Variants in INPP4B observed in about 807,000 individuals in gnomAD.
INPP4B encodes the protein inositol polyphosphate 4-phosphatase type II.
A neutral mutation model predicts 122.5 loss-of-function variants in INPP4B; 55 were observed. The observed-to-expected ratio is 0.45, with a 90% CI of 0.36 to 0.56. The LOEUF (loss-of-function observed/expected upper bound fraction) is 0.56, where lower values mean the gene tolerates loss of function less well. INPP4B is among the 20% of genes least tolerant of loss of function. The pLI, the probability that INPP4B is intolerant of heterozygous loss-of-function variation, is 0.00. For missense variants in INPP4B, 1,000 were observed against 1,097.7 expected (o/e 0.91, Z 1.26); for synonymous variants, 403 against 388.7 (o/e 1.04, Z -0.43).
chr4:142,439,532 G>T (rs1011999717), intron 3 of INPP4B, among the ~76,000 whole-genome samples: 2 of 152,102 alleles, frequency 1.3e-5, no homozygotes, highest in Admixed American at 6.5e-5. Context: ...ATTAATTTAT[G>T]TACCTATCTA....
At chr4:142,242,211 G>A (rs531029498) in intron 11 of INPP4B, among the ~76,000 whole-genome samples, 9 of 151,990 alleles carry the variant, frequency 5.9e-5, no homozygotes, top group Non-Finnish European at 8.8e-5. Context: ...TTTAAAGATC[G>A]GATGAGCACT....
chr4:142,192,440 G>A (rs2645824), intron 15 of INPP4B, among the ~76,000 whole-genome samples: 132,324 of 151,052 alleles, frequency 0.88, 58,762 homozygotes, highest in East Asian at 0.96. Flanking sequence ...TTACATGAGC[G>A]TGGTCATAGC....
At chr4:142,816,501 T>C (rs369215146) in intron 1 of INPP4B, among the ~76,000 whole-genome samples, 9 of 152,098 alleles carry the variant, frequency 5.9e-5, no homozygotes, top group South Asian at 2.1e-4. Context: ...CTTCTCCCAT[T>C]AAATCTTAAC....
chr4:142,703,623 T>C (rs575864048), intron 2 of INPP4B, among the ~76,000 whole-genome samples: 1 of 152,218 alleles, frequency 6.6e-6, no homozygotes, highest in Non-Finnish European at 1.5e-5. Flanking sequence ...TTGTTTTCTC[T>C]GGGGCAGCTT....
chr4:142,813,420 T>C (rs1779751141), intron 1 of INPP4B, among the ~76,000 whole-genome samples: 1 of 152,112 alleles, frequency 6.6e-6, no homozygotes, highest in East Asian at 1.9e-4. Context: ...AGCCCAGAGT[T>C]TACTTGTAGG....
At chr4:142,675,495 T>C (rs921443044) in intron 2 of INPP4B, among the ~76,000 whole-genome samples, 18 of 152,174 alleles carry the variant, frequency 1.2e-4, no homozygotes, top group Admixed American at 2.6e-4. Flanking sequence ...CATAATTCAT[T>C]TTATGAGGCC....
At chr4:142,736,951 G>A (rs1256551545) in intron 1 of INPP4B, among the ~76,000 whole-genome samples, 6 of 151,964 alleles carry the variant, frequency 3.9e-5, no homozygotes, top group East Asian at 3.9e-4. Context: ...TAGATAGCTC[G>A]AAATAAAAGA....
At chr4:142,470,144 G>A (rs547693224) in intron 2 of INPP4B, among the ~76,000 whole-genome samples, 215 of 151,714 alleles carry the variant, frequency 1.4e-3, no homozygotes, top group African/African-American at 4.9e-3. Context: ...TAAAGAAAAC[G>A]CATAGCAGAT....
At chr4:142,838,336 C>T (rs1783074097) in intron 1 of INPP4B, among the ~76,000 whole-genome samples, 1 of 149,988 alleles carries the variant, frequency 6.7e-6, no homozygotes, top group Admixed American at 6.7e-5. Context: ...AGACTTCGTA[C>T]ATTTATAATC....
intron 21 of INPP4B, among the ~76,000 whole-genome samples, chr4:142,115,426 C>A (rs927677529): frequency 2.0e-5 from 3 of 152,092 alleles, no homozygotes; most frequent in African/African-American, 7.2e-5. Flanking sequence ...ATTGGGTTAC[C>A]CACAAAGGGA....
chr4:142,404,231 T>C (rs988985127), intron 6 of INPP4B, among the ~76,000 whole-genome samples: 4 of 152,194 alleles, frequency 2.6e-5, no homozygotes, highest in Admixed American at 1.3e-4. Flanking sequence ...ATTCCCATTA[T>C]AGAAATGACT....
At chr4:142,291,731 A>G (rs1561765842) in intron 9 of INPP4B, among the ~76,000 whole-genome samples, 1 of 152,188 alleles carries the variant, frequency 6.6e-6, no homozygotes, top group Admixed American at 6.5e-5. Context: ...TAGAAAGTTC[A>G]TAAAGCTCTA....
At chr4:142,452,877 G>A (rs1019769955) in intron 3 of INPP4B, among the ~76,000 whole-genome samples, 5 of 151,774 alleles carry the variant, frequency 3.3e-5, no homozygotes, top group Non-Finnish European at 4.4e-5. Context: ...AAATATACTT[G>A]AAAATATAAA....
At chr4:142,045,076 T>A (rs2667095) in intron 25 of INPP4B, among the ~76,000 whole-genome samples, 137,425 of 152,208 alleles carry the variant, frequency 0.9, 63,156 homozygotes, top group Non-Finnish European at 0.98. Flanking sequence ...TGTCAAAATA[T>A]ATTAGAACAC....
At position 142,731,988 on chromosome 4, in the gene INPP4B, A is replaced by C. The variant is rs764580834; in HGVS notation, c.-253-6087T>G. Among the ~76,000 whole-genome samples, 9 of 152,304 alleles carry C rather than the reference A, an allele frequency of 5.9e-5. No individual in the cohort carries two copies. The East Asian group carries it at 7.7e-4, about 13-fold the overall frequency. ...GGTCCCACCTAGTACCCTTTCCCAG[A>C]ATGAGATCACATGAGGCCCATTATC... On this transcript the variant is annotated intron_variant, in intron 1 of 25. Coordinates refer to ENST00000262992, the MANE Select transcript of INPP4B (RefSeq NM_001101669.3).
chr4:142,146,086 A>G (rs904200668), intron 17 of INPP4B, 90 bp from the exon 18 acceptor site: 3 of 1,415,816 alleles, frequency 2.1e-6, no homozygotes, highest in African/African-American at 2.8e-5. Flanking sequence ...AAGCATTTGG[A>G]AGGGTAGTCA....
At chr4:142,642,317 G>T (rs1380800251) in intron 2 of INPP4B, among the ~76,000 whole-genome samples, 3 of 152,130 alleles carry the variant, frequency 2.0e-5, no homozygotes, top group African/African-American at 7.2e-5. Flanking sequence ...ATTGCTTTTG[G>T]TGTTTTAGAC....
intron 10 of INPP4B, among the ~76,000 whole-genome samples, chr4:142,262,354 A>T (rs1190052843): frequency 6.6e-6 from 1 of 152,074 alleles, no homozygotes; most frequent in Non-Finnish European, 1.5e-5. Context: ...CTTTCAACAC[A>T]AAAAGCATGC....
chr4:142,450,674 T>A (rs1193562740), intron 3 of INPP4B, among the ~76,000 whole-genome samples: 1 of 152,188 alleles, frequency 6.6e-6, no homozygotes, highest in African/African-American at 2.4e-5. Context: ...AAATTAATCC[T>A]TATAACAAAT....
Sources: gnomAD v4.1 joint callset for allele counts (sites outside exome capture counted in the v4.1 genomes callset) on GRCh38, gnomAD v4.1.1 for gene constraint, MANE v1.5 for transcripts, NCBI Gene and HGNC (gene_info 2026-07-23, HGNC 2026-07-21) for gene names.